The following FERMT1 variants were observed in gnomAD, a reference collection of about 807,000 sequenced individuals.
FERMT1 encodes fermitin family homolog 1.
Under a neutral mutation model 85.3 loss-of-function variants are expected in FERMT1, and 60 were observed. The observed-to-expected ratio is 0.70, with a 90% confidence interval of 0.57 to 0.87. FERMT1 has a LOEUF of 0.87. Ranked by LOEUF, FERMT1 falls within the 40% of genes least tolerant of loss-of-function variation. FERMT1 has a pLI of 0.00. For synonymous variants in FERMT1, 275 were observed against 301.1 expected (o/e 0.91, Z 0.90); for missense variants, 701 against 818.9 (o/e 0.86, Z 1.76).
chr20:6,096,908 G>GCTGTCCGCTTTT lies in FERMT1; in HGVS notation c.1071_1082dup (p.Asp360_Ser361insArgLysAlaAsp). ...GATCAGAAAAAGTTCATACCAAAAG[G>GCTGTCCGCTTTT]CTGTCCGCTTTTCCACCTTCTAGGG... is the stretch of plus-strand genomic sequence containing the variant. On this transcript the variant is annotated inframe_insertion, in exon 8 of 15. Coordinates refer to ENST00000217289, the MANE Select transcript of FERMT1 (RefSeq NM_017671.5). 1 of 1,612,178 alleles carries GCTGTCCGCTTTT rather than the reference G, an allele frequency of 6.2e-7. No individual in the cohort carries two copies. Among genetic ancestry groups the GCTGTCCGCTTTT allele is most frequent in the Non-Finnish European group, 8.5e-7 (1 of 1,179,114 alleles).
intron 13 of FERMT1, among the ~76,000 whole-genome samples, 168 bp from the exon 14 acceptor site, chr20:6,079,745 C>T (rs1671560727): frequency 6.6e-6 from 1 of 152,068 alleles, no homozygotes; most frequent in Non-Finnish European, 1.5e-5. Flanking sequence ...GGGATATAGA[C>T]AGCGTGAAAA....
At position 6,099,872 on chromosome 20, in the gene FERMT1, T is replaced by C. The variant is rs113715491; in HGVS notation, c.850-2241A>G. 8.4e-3 allele frequency among the ~76,000 whole-genome samples: 1,256 copies of C among 149,720 alleles called. 13 individuals are homozygous for C. The highest frequency in any genetic ancestry group is 0.027 in the African/African-American group (1,114 of 40,662). ...AAAAAATTATCCAGGCATGGTGGCA[T>C]GCACTTGTTCCAGCTACTCAGGAGG... On this transcript the variant is annotated intron_variant, in intron 6 of 14. Coordinates refer to ENST00000217289, the MANE Select transcript of FERMT1 (RefSeq NM_017671.5).
chr20:6,091,381 C>T (rs1982358865), intron 9 of FERMT1, among the ~76,000 whole-genome samples: 1 of 151,674 alleles, frequency 6.6e-6, no homozygotes, highest in Non-Finnish European at 1.5e-5. Context: ...AGGCACGTGC[C>T]ACCACGGCCG....
At chr20:6,083,991 A>T in intron 13 of FERMT1, 49 bp downstream of exon 13, 1 of 1,612,570 alleles carries the variant, frequency 6.2e-7, no homozygotes, top group Non-Finnish European at 8.5e-7. Flanking sequence ...CCCAAAAGCC[A>T]CTTAAAATTG....
chr20:6,119,034 G>A (rs1470286695), intron 2 of FERMT1, among the ~76,000 whole-genome samples: 1 of 150,158 alleles, frequency 6.7e-6, no homozygotes, highest in African/African-American at 2.5e-5. Context: ...TGCAACCCCC[G>A]CCTCCCGGGT....
rs1396098373 is a variant in FERMT1, at chr20:6,115,831, C to A, written c.365G>T (p.Ser122Ile). 1.2e-6 allele frequency: 2 copies of A among 1,614,106 alleles called. No individual in the cohort carries two copies. The highest frequency in any genetic ancestry group is 1.7e-6 in the Non-Finnish European group (2 of 1,179,974). ...SFSAVVFKAV[S>I]DICKILNIRR... Reference sequence around the variant, plus strand: ...CTTACTCAGGATTTTGCAGATATCACTGACAGCTTTAAAAACCACAGCTGA... The same window carrying A: ...CTTACTCAGGATTTTGCAGATATCAATGACAGCTTTAAAAACCACAGCTGA... The change falls in exon 3 of 15, where the codon AGT becomes ATT. Residue 122 changes from serine to isoleucine, a missense_variant. Physicochemically the swap from Ser to Ile is moderately radical, Grantham distance 142. Transcript: ENST00000217289.
intron 14 of FERMT1, among the ~76,000 whole-genome samples, chr20:6,078,740 C>T (rs56125337): frequency 0.015 from 2,229 of 151,662 alleles, 58 homozygotes; most frequent in African/African-American, 0.052. Flanking sequence ...CTTCCCACCT[C>T]GGCCTCCCAA....
At chr20:6,106,927 A>G (rs1441117576) in intron 6 of FERMT1, among the ~76,000 whole-genome samples, 5 of 152,088 alleles carry the variant, frequency 3.3e-5, no homozygotes, top group Non-Finnish European at 2.9e-5. Flanking sequence ...GCCAGATGCG[A>G]TGGCTCATGC....
At chr20:6,111,924 A>G (rs1982962901) in intron 4 of FERMT1, among the ~76,000 whole-genome samples, 1 of 151,026 alleles carries the variant, frequency 6.6e-6, no homozygotes, top group African/African-American at 2.4e-5. Context: ...GTGCAGTGGC[A>G]CAATCTTGGC....
intron 1 of FERMT1, 62 bp downstream of exon 1, chr20:6,122,712 C>T (rs536101462): frequency 6.6e-6 from 1 of 152,442 alleles, no homozygotes; most frequent in East Asian, 1.9e-4. Flanking sequence ...GCTCAGGAGC[C>T]ACTGGTGCCC....
At chr20:6,114,410 T>G (rs1360520709) in intron 3 of FERMT1, among the ~76,000 whole-genome samples, 1 of 152,196 alleles carries the variant, frequency 6.6e-6, no homozygotes, top group Non-Finnish European at 1.5e-5. Flanking sequence ...TTAAAACTAT[T>G]ACAAAGAGAT....
chr20:6,088,326 C>T (rs1035788679), intron 10 of FERMT1, among the ~76,000 whole-genome samples: 11 of 152,178 alleles, frequency 7.2e-5, no homozygotes, highest in Admixed American at 2.0e-4. Context: ...TAAAGTGACA[C>T]TGAATTAAAT....
rs780266799 is a variant in FERMT1, at chr20:6,119,422, T to G, written c.133A>C (p.Lys45Gln). The G allele has an allele frequency of 6.2e-7, 1 of 1,614,178 alleles. No individual in the cohort carries two copies. Among genetic ancestry groups the G allele is most frequent in the South Asian group, 1.1e-5 (1 of 91,078 alleles). ...GDLHVGGVML[K>Q]LVEQINISQD... ...AACTTACTGATCTGTTCTACTAACT[T>G]GAGCATCACTCCTCCAACATGAAGG... Residue 45 changes from lysine to glutamine, a missense_variant, in exon 2 of 15, where the codon AAG becomes CAG. Physicochemically the swap from Lys to Gln is moderately conservative, Grantham distance 53. Transcript: ENST00000217289.
chr20:6,078,277 A>G (rs1180568552), intron 14 of FERMT1, among the ~76,000 whole-genome samples: 1 of 152,202 alleles, frequency 6.6e-6, no homozygotes, highest in Non-Finnish European at 1.5e-5. Flanking sequence ...ACCGCCTTAG[A>G]GGTCATCTAA....
At chr20:6,107,198 C>CA (rs1982820220) in intron 6 of FERMT1, among the ~76,000 whole-genome samples, 1 of 62,034 alleles carries the variant, frequency 1.6e-5, no homozygotes. Context: ...TCTGTCTCAA[C>CA]CAAAAAAAAA....
At position 6,091,056 on chromosome 20, in the gene FERMT1, C is replaced by T. The variant is rs912513765; in HGVS notation, c.1140-1967G>A. On this transcript the variant is annotated intron_variant, in intron 9 of 14. Transcript: ENST00000217289. ...GCGTGCACCTGTAGTCCCAGCTACC[C>T]GGAGGCTGAGGCACAAGGATTGCTT... Among the ~76,000 whole-genome samples, 26 of 151,238 alleles carry T rather than the reference C, an allele frequency of 1.7e-4. No homozygotes were observed. In the East Asian group the frequency reaches 3.2e-3, roughly 19 times the overall value.
chr20:6,121,899 C>G (rs967986999), intron 1 of FERMT1, among the ~76,000 whole-genome samples: 2 of 152,232 alleles, frequency 1.3e-5, no homozygotes, highest in African/African-American at 4.8e-5. Flanking sequence ...ACAAATCTTG[C>G]GCAGTGAGGA....
intron 5 of FERMT1, among the ~76,000 whole-genome samples, chr20:6,109,008 T>C (rs1369806218): frequency 6.6e-6 from 1 of 152,208 alleles, no homozygotes; most frequent in Non-Finnish European, 1.5e-5. Context: ...TGAATGTGGC[T>C]GTTAGTGCCA....
rs1212808077 is a variant in FERMT1, at chr20:6,085,086, TTG to T, written c.1571_1572del (p.Ala524GlufsTer40). 1.2e-6 allele frequency: 2 copies of T among 1,614,142 alleles called. No individual in the cohort carries two copies. Among genetic ancestry groups the T allele is most frequent in the Non-Finnish European group, 1.7e-6 (2 of 1,179,968 alleles). ...AGTACCTGTTTGGATTTGTGTCTTT[TTG>T]CACACCGTGGTGACACAAAACATTC... ...NPECFVSPRC[A>X]KRHKSKQLAA... On this transcript the variant is annotated frameshift_variant, in exon 12 of 15. Transcript: ENST00000217289. LOFTEE classifies it high-confidence loss of function.
Sources: gnomAD v4.1 joint callset for allele counts (sites outside exome capture counted in the v4.1 genomes callset) on GRCh38, gnomAD v4.1.1 for gene constraint, MANE v1.5 for transcripts, NCBI Gene and HGNC (gene_info 2026-07-23, HGNC 2026-07-21) for gene names.